NDEL1: variants seen among roughly 807,000 people sequenced by gnomAD.
NDEL1 encodes nudE neurodevelopment protein 1 like 1.
NDEL1 carries 9 observed loss-of-function variants against 45.7 expected under a neutral mutation model. That is an observed-to-expected ratio of 0.20 (90% CI 0.12 to 0.34). The LOEUF is 0.34. NDEL1 is among the 10% of genes least tolerant of loss of function. The probability of loss-of-function intolerance (pLI) is 1.00; values close to 1 mark genes in which losing one functional copy is unlikely to be tolerated. For missense variants in NDEL1, 306 were observed against 406.2 expected (o/e 0.75, Z 2.12); for synonymous variants, 133 against 158.6 (o/e 0.84, Z 1.21).
chr17:8,446,687 G>C, intron 3 of NDEL1, 67 bp from the exon 4 acceptor site: 1 of 1,505,740 alleles, frequency 6.6e-7, no homozygotes, highest in Non-Finnish European at 9.1e-7. Context: ...CTTTTAACTT[G>C]AGTTACCTCT....
chr17:8,441,337 A>G (rs570052013), intron 1 of NDEL1, among the ~76,000 whole-genome samples: 4 of 152,322 alleles, frequency 2.6e-5, no homozygotes, highest in African/African-American at 9.6e-5. Flanking sequence ...AAGGCTACAA[A>G]ACCAGAGGGG....
chr17:8,458,232 A>G (rs1456648345), intron 7 of NDEL1, among the ~76,000 whole-genome samples: 1 of 150,808 alleles, frequency 6.6e-6, no homozygotes, highest in Middle Eastern at 3.2e-3. Context: ...GCTGCTCCCA[A>G]CTTTCTTTCC....
At chr17:8,473,965 G>A (rs754892780) in intron 3 of NDEL1, among the ~76,000 whole-genome samples, 1 of 152,238 alleles carries the variant, frequency 6.6e-6, no homozygotes, top group Non-Finnish European at 1.5e-5. Context: ...TCCCTTGACA[G>A]GTGGGCCAGC....
intron 1 of NDEL1, 105 bp from the exon 2 acceptor site, chr17:8,444,155 T>G: frequency 1.4e-6 from 1 of 703,114 alleles, no homozygotes. Flanking sequence ...CTCTCATGTT[T>G]TATTCCCTCC....
At chr17:8,428,951 G>A (rs1383594525) in intron 1 of NDEL1, among the ~76,000 whole-genome samples, 5 of 152,206 alleles carry the variant, frequency 3.3e-5, no homozygotes, top group Non-Finnish European at 7.3e-5. Context: ...GGGATTACAG[G>A]CATGAGCCAC....
intron 6 of NDEL1, among the ~76,000 whole-genome samples, chr17:8,454,029 GAT>G (rs1910681123): frequency 2.0e-5 from 3 of 152,218 alleles, no homozygotes; most frequent in South Asian, 4.1e-4. Flanking sequence ...AAAAAATTTA[GAT>G]ATGTATCTTA....
chr17:8,424,585 A>T (rs534182789), intron 1 of NDEL1, among the ~76,000 whole-genome samples: 1 of 152,202 alleles, frequency 6.6e-6, no homozygotes, highest in Non-Finnish European at 1.5e-5. Context: ...CACAGGAAGC[A>T]CCGCCTCCCG....
At chr17:8,433,550 T>C (rs773238111), upstream of NDEL1, among the ~76,000 whole-genome samples, 7 of 152,244 alleles carry the variant, frequency 4.6e-5, no homozygotes, top group Non-Finnish European at 1.0e-4. Context: ...TTTGTATTGC[T>C]TCAATTTTGT....
chr17:8,471,013 C>T (rs2151747954), downstream of NDEL1, among the ~76,000 whole-genome samples: 1 of 152,326 alleles, frequency 6.6e-6, no homozygotes, highest in South Asian at 2.1e-4. Flanking sequence ...ACCCGGTAGC[C>T]AGCTCTGCCC....
At chr17:8,414,638 G>C (rs1245564154) in intron 1 of NDEL1, among the ~76,000 whole-genome samples, 1 of 152,098 alleles carries the variant, frequency 6.6e-6, no homozygotes, top group East Asian at 1.9e-4. Flanking sequence ...CTGCACTCTA[G>C]CCTGGACGAC....
chr17:8,445,199 A>G (rs1348063282), intron 2 of NDEL1, among the ~76,000 whole-genome samples: 1 of 152,254 alleles, frequency 6.6e-6, no homozygotes, highest in Non-Finnish European at 1.5e-5. Context: ...TCTAAATATT[A>G]AACTAATTTA....
intron 1 of NDEL1, among the ~76,000 whole-genome samples, chr17:8,413,799 A>T (rs1908480993): frequency 6.6e-6 from 1 of 152,238 alleles, no homozygotes; most frequent in Non-Finnish European, 1.5e-5. Context: ...TGTAAACTTA[A>T]GCAGAATGAT....
chr17:8,440,513 C>CA (rs34423110), intron 1 of NDEL1, among the ~76,000 whole-genome samples: 79 of 137,912 alleles, frequency 5.7e-4, no homozygotes, highest in African/African-American at 2.0e-3. Flanking sequence ...GACTCCATCT[C>CA]AAAAAAAAAA....
upstream of NDEL1, among the ~76,000 whole-genome samples, chr17:8,434,650 A>G (rs1042702507): frequency 6.6e-6 from 1 of 152,074 alleles, no homozygotes; most frequent in Non-Finnish European, 1.5e-5. Context: ...TAAGTTGCCT[A>G]TCCCTCTTTC....
chr17:8,446,850 A>C lies in NDEL1; in HGVS notation c.337A>C (p.Lys113Gln). ...QTRAIKEQLH[K>Q]YVRELEQAND... ...TCGGGCCATTAAGGAGCAGTTGCAT[A>C]AGTATGTGAGAGAGCTGGAGCAGGC... Residue 113 changes from lysine to glutamine, a missense_variant, in exon 4 of 9, where the codon AAG becomes CAG. By Grantham distance (53) the Lys-to-Gln change is moderately conservative. Coordinates refer to ENST00000334527, the MANE Select transcript of NDEL1 (RefSeq NM_030808.5). 6.2e-7 allele frequency: 1 copy of C among 1,614,218 alleles called. No individual in the cohort carries two copies. Among genetic ancestry groups the C allele is most frequent in the Non-Finnish European group, 8.5e-7 (1 of 1,180,038 alleles).
In NDEL1 at chr17:8,414,687, C is replaced by T. The variant is rs796846515; in HGVS notation, c.-13+1418C>T. On this transcript the variant is annotated intron_variant, in intron 1 of 4. Coordinates refer to the NDEL1 transcript ENST00000582812. ...ATCTCAAAAAAAAAAAGTGTCATAC[C>T]ATCTTATTTATTTATTTGAGGCCGG... is the stretch of plus-strand genomic sequence containing the variant. 4.6e-5 allele frequency among the ~76,000 whole-genome samples: 7 copies of T among 152,020 alleles called. No homozygotes were observed. In the South Asian group the frequency reaches 8.3e-4, roughly 18 times the overall value.
At chr17:8,466,126 T>TA in intron 8 of NDEL1, 1 of 152,332 alleles carries the variant, frequency 6.6e-6, no homozygotes, top group African/African-American at 2.4e-5. Context: ...CTTATTAAGA[T>TA]ATTCGTGTAT....
intron 7 of NDEL1, among the ~76,000 whole-genome samples, chr17:8,455,408 C>T (rs1280189061): frequency 1.3e-5 from 2 of 152,200 alleles, no homozygotes; most frequent in Non-Finnish European, 2.9e-5. Context: ...TTAAACCCAG[C>T]CGGACGCGGT....
rs916521567 is a variant in NDEL1 at position 8,443,231 on chromosome 17, C to T, written c.-12-1029C>T. ...GAAATAAGTAAGCCAGCCTAACAGG[C>T]AACACAAAGGTGTAAGCAAATGCAT... On this transcript the variant is annotated intron_variant, in intron 1 of 8. Transcript: ENST00000334527. Among the ~76,000 whole-genome samples, 26 of 152,178 alleles carry T rather than the reference C, an allele frequency of 1.7e-4. 1 individual carries two copies. The highest frequency in any genetic ancestry group is 2.1e-4 in the South Asian group (1 of 4,832).
Sources: gnomAD v4.1 joint callset for allele counts (sites outside exome capture counted in the v4.1 genomes callset) on GRCh38, gnomAD v4.1.1 for gene constraint, MANE v1.5 for transcripts, NCBI Gene and HGNC (gene_info 2026-07-23, HGNC 2026-07-21) for gene names.